FAM184A: variants seen among roughly 807,000 people sequenced by gnomAD.
FAM184A encodes protein FAM184A.
FAM184A carries 99 observed loss-of-function variants against 143.8 expected under a neutral mutation model. The ratio of observed to expected loss-of-function variants is 0.69; its 90% CI spans 0.58 to 0.81. FAM184A has a LOEUF of 0.81. FAM184A is among the 40% of genes least tolerant of loss of function. The probability of loss-of-function intolerance (pLI) is 0.00; values close to 1 mark genes in which losing one functional copy is unlikely to be tolerated. For synonymous variants in FAM184A, 427 were observed against 446.4 expected, an observed-to-expected ratio of 0.96 and a Z score of 0.55; for missense variants, 1,217 against 1,310.5, an observed-to-expected ratio of 0.93 and a Z score of 1.10.
At chr6:119,046,226 CTTTTT>C (rs201528290) in intron 1 of FAM184A, among the ~76,000 whole-genome samples, 2 of 142,298 alleles carry the variant, frequency 1.4e-5, no homozygotes, top group Admixed American at 1.4e-4. Flanking sequence ...AAATGTATAC[CTTTTT>C]TTTTTTTTTT....
chr6:119,091,096 C>T (rs971997791), intron 1 of FAM184A, among the ~76,000 whole-genome samples: 2 of 152,226 alleles, frequency 1.3e-5, no homozygotes, highest in Non-Finnish European at 2.9e-5. Flanking sequence ...GTCATAGCTA[C>T]AGGTCCTGTG....
chr6:119,130,266 AG>A (rs1304827634), intron 1 of FAM184A, among the ~76,000 whole-genome samples: 1 of 152,170 alleles, frequency 6.6e-6, no homozygotes. Flanking sequence ...AATTTTAGGG[AG>A]CCCCCAAATC....
intron 1 of FAM184A, among the ~76,000 whole-genome samples, chr6:119,050,425 CT>C (rs1329895911): frequency 6.6e-6 from 1 of 150,488 alleles, no homozygotes; most frequent in Non-Finnish European, 1.5e-5. Flanking sequence ...ATGGAATCAG[CT>C]TAAGTGCCCA....
intron 1 of FAM184A, among the ~76,000 whole-genome samples, chr6:119,143,348 G>A (rs1433891547): frequency 6.6e-6 from 1 of 152,196 alleles, no homozygotes; most frequent in Non-Finnish European, 1.5e-5. Context: ...TGCTTTATGA[G>A]ATGCAGAGAA....
At chr6:119,123,563 T>C (rs1036228631) in intron 1 of FAM184A, among the ~76,000 whole-genome samples, 7 of 152,176 alleles carry the variant, frequency 4.6e-5, no homozygotes, top group Non-Finnish European at 1.0e-4. Context: ...TGAGTTCTGT[T>C]AGGCCCTTAG....
intron 17 of FAM184A, 128 bp from the exon 18 acceptor site, chr6:118,960,312 G>A: frequency 1.5e-6 from 1 of 677,234 alleles, no homozygotes; most frequent in Non-Finnish European, 2.5e-6. Flanking sequence ...GTGTTTTAAA[G>A]ATTTGCTACC....
intron 1 of FAM184A, among the ~76,000 whole-genome samples, chr6:119,123,310 A>G (rs1789276128): frequency 1.3e-5 from 2 of 152,032 alleles, no homozygotes; most frequent in Admixed American, 1.3e-4. Context: ...AATCACTTGA[A>G]ACTGGGAGGT....
At chr6:119,037,562 C>A (rs1272406083) in intron 1 of FAM184A, among the ~76,000 whole-genome samples, 1 of 152,130 alleles carries the variant, frequency 6.6e-6, no homozygotes, top group African/African-American at 2.4e-5. Context: ...GAGATGGCAA[C>A]ACCAAAACTG....
At chr6:119,027,017 C>G (rs1042987396) in intron 1 of FAM184A, among the ~76,000 whole-genome samples, 2 of 152,142 alleles carry the variant, frequency 1.3e-5, no homozygotes, top group African/African-American at 4.8e-5. Context: ...ATCTACATGA[C>G]AAGAACCTTG....
rs1412496765 is a variant in FAM184A at position 119,078,122 on chromosome 6, C to G, written c.159+19G>C. The G allele has an allele frequency of 6.4e-7, 1 of 1,571,246 alleles. No homozygotes were observed. The highest frequency in any genetic ancestry group is 8.6e-7 in the Non-Finnish European group (1 of 1,162,032). ...GGCCCGCACGGGGTCGCCACCTGCC[C>G]CGTCGCTGCCCCCCTTACCTTGGTG... is the stretch of plus-strand genomic sequence containing the variant. On this transcript the variant is annotated intron_variant, in intron 1 of 17. Coordinates refer to ENST00000338891, the MANE Select transcript of FAM184A (RefSeq NM_024581.6). The surrounding 1 kb of genome is among the most constrained non-coding windows in gnomAD (Gnocchi z 5.5).
At chr6:119,050,008 T>C (rs1456955885) in intron 1 of FAM184A, among the ~76,000 whole-genome samples, 1 of 152,106 alleles carries the variant, frequency 6.6e-6, no homozygotes, top group Non-Finnish European at 1.5e-5. Flanking sequence ...CATTAAAAAG[T>C]GGACAAAGGA....
chr6:119,084,831 G>T (rs770815523), intron 1 of FAM184A, among the ~76,000 whole-genome samples: 1 of 152,204 alleles, frequency 6.6e-6, no homozygotes, highest in Non-Finnish European at 1.5e-5. Flanking sequence ...CTGCACATCC[G>T]CAGGCTTCAT....
intron 1 of FAM184A, among the ~76,000 whole-genome samples, chr6:119,088,643 C>T (rs778503700): frequency 8.5e-5 from 13 of 152,090 alleles, no homozygotes; most frequent in Non-Finnish European, 1.5e-4. Flanking sequence ...CTCAAAGGTA[C>T]TTTTCAGGTC....
chr6:118,971,381 ACT>A (rs1783691956), intron 14 of FAM184A, among the ~76,000 whole-genome samples: 1 of 152,208 alleles, frequency 6.6e-6, no homozygotes, highest in Admixed American at 6.5e-5. Context: ...AAGTATAGAA[ACT>A]CAACATTTCT....
intron 1 of FAM184A, among the ~76,000 whole-genome samples, chr6:119,106,341 T>A (rs1196273665): frequency 6.6e-6 from 1 of 152,098 alleles, no homozygotes; most frequent in Non-Finnish European, 1.5e-5. Flanking sequence ...TGCAGTGAGA[T>A]GAGATTGTGC....
intron 9 of FAM184A, among the ~76,000 whole-genome samples, chr6:118,991,751 C>CTTTTTTTTTTT (rs61476918): frequency 2.4e-5 from 1 of 42,350 alleles, no homozygotes; most frequent in Non-Finnish European, 4.0e-5. Flanking sequence ...CCTGAGAGGA[C>CTTTTTTTTTTT]TTTTTTTTTT....
intron 10 of FAM184A, 115 bp downstream of exon 10, chr6:118,980,023 G>A: frequency 1.3e-6 from 1 of 745,660 alleles, no homozygotes; most frequent in East Asian, 2.7e-5. Context: ...ACCTCAGCCT[G>A]GGTGACAGAG....
intron 9 of FAM184A, among the ~76,000 whole-genome samples, chr6:118,988,066 G>C (rs1177851607): frequency 6.6e-6 from 1 of 152,158 alleles, no homozygotes; most frequent in Non-Finnish European, 1.5e-5. Context: ...AATTGTAAGT[G>C]CCGCTCACTT....
chr6:119,057,609 G>A (rs974047989), intron 1 of FAM184A, among the ~76,000 whole-genome samples: 4 of 152,100 alleles, frequency 2.6e-5, no homozygotes, highest in African/African-American at 9.7e-5. Context: ...AGGTGTGGTG[G>A]TGCACACCTG....
Sources: gnomAD v4.1 joint callset for allele counts (sites outside exome capture counted in the v4.1 genomes callset) on GRCh38, gnomAD v4.1.1 for gene constraint, Gnocchi (gnomAD v3.1) non-coding constraint, MANE v1.5 for transcripts, NCBI Gene and HGNC (gene_info 2026-07-23, HGNC 2026-07-21) for gene names.